The following ITIH4 variants were observed in gnomAD, a reference collection of about 807,000 sequenced individuals.
ITIH4 encodes inter-alpha-trypsin inhibitor heavy chain H4.
Under a neutral mutation model 111.8 loss-of-function variants are expected in ITIH4, and 79 were observed. The observed-to-expected ratio is 0.71, with a 90% CI of 0.59 to 0.85. The LOEUF (loss-of-function observed/expected upper bound fraction) is 0.85, where lower values mean the gene tolerates loss of function less well. Among genes scored for constraint, ITIH4 ranks in the 40% least tolerant of loss-of-function variants. ITIH4 has a pLI of 0.00. For synonymous variants in ITIH4, 472 were observed against 468.3 expected, an observed-to-expected ratio of 1.01 and a Z score of -0.10; for missense variants, 1,065 against 1,195.8, an observed-to-expected ratio of 0.89 and a Z score of 1.61.
intron 12 of ITIH4, 87 bp downstream of exon 12, chr3:52,820,904 C>A: frequency 6.4e-7 from 1 of 1,551,544 alleles, no homozygotes; most frequent in Non-Finnish European, 8.7e-7. Flanking sequence ...GATGCCAAGA[C>A]CCCCCTCTCT....
intron 1 of ITIH4, 179 bp downstream of exon 1, chr3:52,830,374 G>A (rs1461818482): frequency 2.8e-6 from 2 of 707,166 alleles, no homozygotes; most frequent in Admixed American, 4.0e-5. Context: ...TCTATTAGGT[G>A]GGAGAATACC....
chr3:52,824,696 C>T lies in ITIH4; in HGVS notation c.877-131G>A. ...ATCTGCTCTAGGAACAGGGGCTGCC[C>T]TAGGCTCTGGCCAACCTTGGTTCCT... On this transcript the variant is annotated intron_variant, in intron 7 of 23. Coordinates refer to ENST00000266041, the MANE Select transcript of ITIH4 (RefSeq NM_002218.5). This position sits in a 1 kb window ranked among gnomAD's most constrained non-coding sequence, Gnocchi z 4.3. 2 of 1,288,624 alleles carry T rather than the reference C, an allele frequency of 1.6e-6. No individual in the cohort carries two copies. The highest frequency in any genetic ancestry group is 2.3e-5 in the East Asian group (1 of 43,038). 79.8% of individuals were successfully genotyped at this position (1,288,624 alleles called of 1,614,324 possible).
At position 52,826,029 on chromosome 3, in the gene ITIH4, C is replaced by T. The variant is rs112146826; in HGVS notation, c.631-15G>A. 1.3e-3 allele frequency: 2,137 copies of T among 1,613,694 alleles called. 9 individuals carry two copies. The highest frequency in any genetic ancestry group is 4.5e-3 in the South Asian group (408 of 90,996). ...CGGATGTGAGCCTGGAGGAATAATCCGGGCTGAAGTTGGGAGGAACAGCAA... is the reference window on the plus strand; with the variant it reads ...CGGATGTGAGCCTGGAGGAATAATCTGGGCTGAAGTTGGGAGGAACAGCAA... On this transcript the variant is annotated splice_polypyrimidine_tract_variant and intron_variant, in intron 5 of 23. Transcript: ENST00000266041.
chr3:52,829,589 G>A (rs3774364), intron 1 of ITIH4, among the ~76,000 whole-genome samples: 56,322 of 152,122 alleles, frequency 0.37, 10,823 homozygotes, highest in Admixed American at 0.51. Context: ...GGGTGGAGCT[G>A]GTGAAGCCAG....
chr3:52,825,760 G>T, intron 6 of ITIH4, 126 bp downstream of exon 6: 2 of 1,039,044 alleles, frequency 1.9e-6, no homozygotes, highest in Non-Finnish European at 2.7e-6. Context: ...TTTTCTGTCT[G>T]TGCCGGTCCC....
At position 52,829,168 on chromosome 3, in the gene ITIH4, T is replaced by C; in HGVS notation, c.202A>G (p.Thr68Ala). The change falls in exon 2 of 24, where the codon ACC (threonine) becomes GCC (alanine). Residue 68 changes from threonine (T) to alanine (A), a missense_variant. Transcript: ENST00000266041. The part of the protein sequence containing the change: ...VNRANTVQEA[T>A]FQMELPKKAF... ...TTCTTGGGCAGCTCCATCTGGAAGG[T>C]GGCCTCCTGCACAGTATTGGCCCTA... 6.2e-7 allele frequency: 1 copy of C among 1,611,842 alleles called. No individual in the cohort carries two copies. Among genetic ancestry groups the C allele is most frequent in the South Asian group, 1.1e-5 (1 of 90,996 alleles).
rs1356497102 is a variant in ITIH4 at position 52,824,745 on chromosome 3, C to G, written c.876+97G>C. ...CTGAGAGCCACCCGCCCCATGGTGC[C>G]GAAAGGTGAAGCAAGGGGGTCTGCC... On this transcript the variant is annotated intron_variant, in intron 7 of 23. Transcript: ENST00000266041. This position sits in a 1 kb window ranked among gnomAD's most constrained non-coding sequence, Gnocchi z 4.3. 4.7e-6 allele frequency: 6 copies of G among 1,278,204 alleles called. No individual in the cohort carries two copies. The allele number at this position is 1,278,204 out of a possible 1,614,324, so 79.2% of individuals were successfully genotyped here.
chr3:52,820,352 G>A, intron 13 of ITIH4, 35 bp from the exon 14 acceptor site: 3 of 1,604,916 alleles, frequency 1.9e-6, no homozygotes, highest in Non-Finnish European at 2.6e-6. Flanking sequence ...GAGACAGACA[G>A]ACAGAGACAC....
rs1284287147 is a variant in ITIH4, at chr3:52,827,376, C to A, written c.252-179G>T. 2.0e-5 allele frequency among the ~76,000 whole-genome samples: 3 copies of A among 152,338 alleles called. No individual in the cohort carries two copies. In the East Asian group the frequency reaches 5.8e-4, roughly 29 times the overall value. On this transcript the variant is annotated intron_variant, in intron 2 of 23. Coordinates refer to ENST00000266041, the MANE Select transcript of ITIH4 (RefSeq NM_002218.5). Reference sequence around the variant, plus strand: ...CGCATACAGGACCCTGTGCAGGGCACTCTGCAAAGTGCTCCAGGCCTCTAG... The same window carrying A: ...CGCATACAGGACCCTGTGCAGGGCAATCTGCAAAGTGCTCCAGGCCTCTAG...
intron 17 of ITIH4, 144 bp from the exon 18 acceptor site, chr3:52,818,680 CAA>C (rs1700322731): frequency 1.5e-6 from 1 of 684,666 alleles, no homozygotes; most frequent in African/African-American, 1.8e-5. Flanking sequence ...AGGAGATTTT[CAA>C]ACAGAAGAGC....
chr3:52,820,439 T>C lies in ITIH4; in HGVS notation c.1835-122A>G, dbSNP rs1700360288. 4.1e-6 allele frequency: 5 copies of C among 1,217,486 alleles called. No homozygotes were observed. In the South Asian group the frequency reaches 5.6e-5, roughly 14 times the overall value. 75.4% of individuals were successfully genotyped at this position (1,217,486 alleles called of 1,614,324 possible). A position where few individuals can be genotyped will look rare whatever the true frequency, so the allele number is the denominator to read the frequency against. ...TCTTGCTACCCAATCCTGGACTATA[T>C]CGTAGGTGCAATGAATTTGGGGAGA... On this transcript the variant is annotated intron_variant, in intron 13 of 23. Transcript: ENST00000266041.
chr3:52,813,921 G>C (rs13322530), intron 23 of ITIH4, 54 bp downstream of exon 23: 35,068 of 1,440,528 alleles, frequency 0.024, 2,624 homozygotes, highest in African/African-American at 0.22. Flanking sequence ...CTCCTGGCCT[G>C]CCAGTCCCCA....
chr3:52,826,062 C>A, intron 5 of ITIH4, 48 bp from the exon 6 acceptor site: 4 of 1,610,084 alleles, frequency 2.5e-6, no homozygotes, highest in Non-Finnish European at 1.7e-6. Context: ...CAAAGCCAGG[C>A]CAACAACACC....
chr3:52,825,837 G>T (rs202071485), intron 6 of ITIH4, 49 bp downstream of exon 6: 12 of 1,580,102 alleles, frequency 7.6e-6, no homozygotes, highest in Non-Finnish European at 7.7e-6. Flanking sequence ...AGGCCCTTGG[G>T]GGTGGACAGA....
chr3:52,829,165 A>G lies in ITIH4; in HGVS notation c.205T>C (p.Phe69Leu). The stretch of plus-strand genomic sequence containing the variant: ...GCTTTCTTGGGCAGCTCCATCTGGA[A>G]GGTGGCCTCCTGCACAGTATTGGCC... ...NRANTVQEATFQMELPKKAFI... is the reference protein window; with the variant it reads ...NRANTVQEATLQMELPKKAFI... Residue 69 changes from phenylalanine to leucine, a missense_variant, in exon 2 of 24, where the codon TTC becomes CTC. Coordinates refer to ENST00000266041, the MANE Select transcript of ITIH4 (RefSeq NM_002218.5). 1 of 1,612,098 alleles carries G rather than the reference A, an allele frequency of 6.2e-7. No homozygotes were observed. The highest frequency in any genetic ancestry group is 2.2e-5 in the East Asian group (1 of 44,774).
chr3:52,821,240 G>T, intron 11 of ITIH4, 110 bp from the exon 12 acceptor site: 2 of 1,288,198 alleles, frequency 1.6e-6, no homozygotes, highest in Non-Finnish European at 2.1e-6. Flanking sequence ...CCCACACACT[G>T]ACTGTGGGGA....
chr3:52,815,189 C>A (rs983889061), intron 21 of ITIH4, among the ~76,000 whole-genome samples: 1 of 152,006 alleles, frequency 6.6e-6, no homozygotes, highest in Non-Finnish European at 1.5e-5. Flanking sequence ...TTTCCCTAAA[C>A]ATACACTGTT....
At position 52,818,168 on chromosome 3, in the gene ITIH4, G is replaced by C. The variant is rs750860710; in HGVS notation, c.2180C>G (p.Ala727Gly). 3 of 1,609,248 alleles carry C rather than the reference G, an allele frequency of 1.9e-6. No individual in the cohort carries two copies. In the South Asian group the frequency reaches 3.3e-5, roughly 18 times the overall value. The part of the protein sequence containing the change: ...EETTMTTQTP[A>G]PIQAPSAILP... ...GATGGCAGAGGGAGCCTGTATGGGG[G>C]CTGGGACAGCCGGGGCACGGCTCCT... The change falls in exon 20 of 24, where the codon GCC becomes GGC. Residue 727 changes from alanine to glycine, a missense_variant and splice_region_variant. Transcript: ENST00000266041.
chr3:52,822,808 C>A (rs1182103457), intron 11 of ITIH4, among the ~76,000 whole-genome samples: 1 of 152,184 alleles, frequency 6.6e-6, no homozygotes. Flanking sequence ...AGGGGCCTAA[C>A]ATATTCCTCC....
Sources: allele counts gnomAD v4.1 joint callset (sites outside exome capture counted in the v4.1 genomes callset), GRCh38; gene constraint gnomAD v4.1.1; non-coding constraint Gnocchi (gnomAD v3.1); transcripts MANE v1.5; gene names NCBI Gene and HGNC (gene_info 2026-07-23, HGNC 2026-07-21).